TSHZ2: variants seen among roughly 807,000 people sequenced by gnomAD.
TSHZ2 encodes teashirt zinc finger homeobox 2.
A neutral mutation model predicts 74.4 loss-of-function variants in TSHZ2; 21 were observed. The ratio of observed to expected loss-of-function variants is 0.28; its 90% confidence interval spans 0.20 to 0.41. The LOEUF (loss-of-function observed/expected upper bound fraction) is 0.41. Among genes scored for constraint, TSHZ2 ranks in the 10% least tolerant of loss-of-function variants. TSHZ2 has a pLI of 1.00. For synonymous variants in TSHZ2, 540 were observed against 515.3 expected (o/e 1.05, Z -0.65); for missense variants, 1,244 against 1,293.5 (o/e 0.96, Z 0.59).
At chr20:53,096,984 A>G (rs141647968) in intron 1 of TSHZ2, among the ~76,000 whole-genome samples, 268 of 152,296 alleles carry the variant, frequency 1.8e-3, no homozygotes, top group South Asian at 0.013. Flanking sequence ...TGTCAAGCTC[A>G]ATGGTATTGA....
At chr20:53,359,069 G>A (rs1448580144) in intron 2 of TSHZ2, among the ~76,000 whole-genome samples, 1 of 151,970 alleles carries the variant, frequency 6.6e-6, no homozygotes, top group Non-Finnish European at 1.5e-5. Flanking sequence ...TTTCTTCCTG[G>A]TTGCTCTGTT....
intron 1 of TSHZ2, among the ~76,000 whole-genome samples, chr20:53,068,157 G>A (rs1985052163): frequency 6.6e-6 from 1 of 152,190 alleles, no homozygotes; most frequent in African/African-American, 2.4e-5. Context: ...CACCTGCAAA[G>A]ACCCTTCTTC....
chr20:53,323,253 A>C (rs1331933736), intron 2 of TSHZ2, among the ~76,000 whole-genome samples: 1 of 152,190 alleles, frequency 6.6e-6, no homozygotes, highest in Non-Finnish European at 1.5e-5. Context: ...TGAGAGCCAG[A>C]GGCTGGCACA....
At chr20:53,346,709 G>C (rs169269) in intron 2 of TSHZ2, among the ~76,000 whole-genome samples, 1 of 151,918 alleles carries the variant, frequency 6.6e-6, no homozygotes, top group Admixed American at 6.6e-5. Flanking sequence ...GGAAGTGTCC[G>C]TCTCAAATTA....
intron 1 of TSHZ2, among the ~76,000 whole-genome samples, chr20:53,233,963 C>T (rs1283256677): frequency 6.6e-6 from 1 of 152,202 alleles, no homozygotes; most frequent in Non-Finnish European, 1.5e-5. Flanking sequence ...GAAGCATATT[C>T]AATAGCCCTG....
intron 2 of TSHZ2, among the ~76,000 whole-genome samples, chr20:53,424,353 T>G (rs1457421355): frequency 2.0e-5 from 3 of 152,192 alleles, no homozygotes; most frequent in Non-Finnish European, 4.4e-5. Flanking sequence ...TTTTCCTAAT[T>G]TAAGGAAATG....
At chr20:53,448,438 G>A (rs1322310438) in intron 2 of TSHZ2, among the ~76,000 whole-genome samples, 1 of 152,160 alleles carries the variant, frequency 6.6e-6, no homozygotes, top group African/African-American at 2.4e-5. Context: ...TACTATCAGG[G>A]AGTCCTGAGG....
intron 1 of TSHZ2, among the ~76,000 whole-genome samples, chr20:53,194,392 G>C (rs543083493): frequency 6.6e-6 from 1 of 152,278 alleles, no homozygotes; most frequent in South Asian, 2.1e-4. Flanking sequence ...ACTAGTCAAC[G>C]TACATTATTG....
At chr20:53,469,045 T>TATATATATATA (rs1985655239) in intron 2 of TSHZ2, among the ~76,000 whole-genome samples, 7 of 49,126 alleles carry the variant, frequency 1.4e-4, no homozygotes, top group Non-Finnish European at 2.5e-4. Context: ...AATCGATATT[T>TATATATATATA]TATATATATA....
chr20:53,078,267 T>C (rs1458151452), intron 1 of TSHZ2, among the ~76,000 whole-genome samples: 2 of 152,208 alleles, frequency 1.3e-5, no homozygotes, highest in African/African-American at 4.8e-5. Flanking sequence ...GAAAATAATG[T>C]GGGTTTAACC....
intron 2 of TSHZ2, among the ~76,000 whole-genome samples, chr20:53,320,550 A>G (rs556838445): frequency 2.0e-5 from 3 of 152,356 alleles, no homozygotes; most frequent in Non-Finnish European, 4.4e-5. Context: ...AAAATGCAAT[A>G]ACAAGAAAAC....
chr20:53,396,692 C>T (rs1381897960), intron 2 of TSHZ2, among the ~76,000 whole-genome samples: 2 of 151,778 alleles, frequency 1.3e-5, no homozygotes, highest in Non-Finnish European at 2.9e-5. Context: ...ACAAAAAATA[C>T]AAAAATCAGC....
intron 1 of TSHZ2, among the ~76,000 whole-genome samples, chr20:52,995,071 A>T (rs1982131562): frequency 6.6e-6 from 1 of 152,224 alleles, no homozygotes; most frequent in Admixed American, 6.5e-5. Context: ...AGCCACAACA[A>T]GTACCTAACC....
At position 53,280,641 on chromosome 20, in the gene TSHZ2, T is replaced by TTTTGTTTG. The variant is rs3042096; in HGVS notation, c.*8+24086_*8+24093dup. Reference sequence around the variant, plus strand: ...TCATCATTTAGTCAACAAGTCGTTTTTTTGTTTGTTTGTTTGTTTGTTTTT... The same window carrying TTTTGTTTG: ...TCATCATTTAGTCAACAAGTCGTTTTTTTGTTTGTTTGTTTGTTTGTTTGTTTGTTTTT... On this transcript the variant is annotated intron_variant, in intron 2 of 2. Coordinates refer to ENST00000371497, the MANE Select transcript of TSHZ2 (RefSeq NM_173485.6). 2.6e-3 allele frequency among the ~76,000 whole-genome samples: 398 copies of TTTTGTTTG among 151,014 alleles called. 4 individuals carry two copies. The highest frequency in any genetic ancestry group is 0.017 in the Admixed American group (263 of 15,198).
At chr20:53,025,405 T>A (rs1045608567) in intron 1 of TSHZ2, among the ~76,000 whole-genome samples, 5 of 152,204 alleles carry the variant, frequency 3.3e-5, no homozygotes, top group Admixed American at 1.3e-4. Flanking sequence ...AGCTGAGATA[T>A]AACACAAAAA....
At chr20:53,474,131 C>T (rs1427236456) in intron 2 of TSHZ2, among the ~76,000 whole-genome samples, 4 of 149,572 alleles carry the variant, frequency 2.7e-5, no homozygotes, top group Non-Finnish European at 5.9e-5. Flanking sequence ...GGCAGGCCAA[C>T]GTTCAGATTC....
chr20:52,977,113 G>C (rs73913014), intron 1 of TSHZ2, among the ~76,000 whole-genome samples: 1 of 152,230 alleles, frequency 6.6e-6, no homozygotes, highest in African/African-American at 2.4e-5. Context: ...GAGCAGAAAT[G>C]ACCTCAGAGA....
intron 1 of TSHZ2, among the ~76,000 whole-genome samples, chr20:53,136,227 C>A (rs1371892231): frequency 1.1e-4 from 17 of 152,178 alleles, no homozygotes; most frequent in Admixed American, 1.1e-3. Context: ...CATTCATTAA[C>A]CCTTTAATGC....
intron 1 of TSHZ2, among the ~76,000 whole-genome samples, chr20:53,110,792 A>G (rs1349964390): frequency 6.8e-6 from 1 of 147,786 alleles, no homozygotes; most frequent in Non-Finnish European, 1.5e-5. Flanking sequence ...CTACAGAAAG[A>G]GCTTGTGGGT....
Sources: allele counts gnomAD v4.1 joint callset (sites outside exome capture counted in the v4.1 genomes callset), GRCh38; gene constraint gnomAD v4.1.1; transcripts MANE v1.5; gene names NCBI Gene and HGNC (gene_info 2026-07-23, HGNC 2026-07-21).